Variants in RPS21 observed in about 807,000 individuals in gnomAD.
The protein encoded by RPS21 is small ribosomal subunit protein eS21.
Under a neutral mutation model 14.5 loss-of-function variants are expected in RPS21, and 6 were observed. That is an observed-to-expected ratio of 0.41 (90% CI 0.23 to 0.82). The LOEUF is 0.82. Ranked by LOEUF, RPS21 falls within the 40% of genes least tolerant of loss-of-function variation. The pLI is 0.31. For synonymous variants in RPS21, 61 were observed against 42.6 expected (o/e 1.43, Z -1.69); for missense variants, 85 against 115.0 (o/e 0.74, Z 1.19).
chr20:62,387,758 G>C, intron 3 of RPS21, 84 bp downstream of exon 3: 1 of 1,614,054 alleles, frequency 6.2e-7, no homozygotes, highest in Non-Finnish European at 8.5e-7. Flanking sequence ...AGCCCCTGGG[G>C]TGAAGGTACA....
rs753943394 is a variant in RPS21, at chr20:62,387,851, G to A, written c.123G>A (p.Lys41=). ...SIQMNVAEVD[K]VTGRFNGQFK... ...CCTTCTTCTCTTTCTAGGTTGACAA[G>A]GTCACAGGCAGGTTTAATGGCCAGT... is the stretch of plus-strand genomic sequence containing the variant. The change falls in exon 4 of 6, where the codon AAG becomes AAA. Residue 41 remains lysine (K), a synonymous_variant. Coordinates refer to ENST00000343986, the MANE Select transcript of RPS21 (RefSeq NM_001024.4). 2.5e-6 allele frequency: 4 copies of A among 1,614,172 alleles called. No individual in the cohort carries two copies. Among genetic ancestry groups the A allele is most frequent in the Middle Eastern group, 1.6e-4 (1 of 6,062 alleles).
chr20:62,387,753 C>A (rs774298600), intron 3 of RPS21, 79 bp downstream of exon 3: 2 of 1,613,910 alleles, frequency 1.2e-6, no homozygotes, highest in East Asian at 2.2e-5. Flanking sequence ...GGAGGAGCCC[C>A]TGGGGTGAAG....
In RPS21 at chr20:62,387,662, G is replaced by A. The variant is rs919570685; in HGVS notation, c.102G>A (p.Met34Ile). The change falls in exon 3 of 6, where the codon ATG becomes ATA. Residue 34 changes from methionine to isoleucine, a missense_variant. Met to Ile is a conservative substitution (Grantham distance 10). Transcript: ENST00000343986. ...IGAKDHASIQ[M>I]NVAEVDKVTG... ...CCAAGGACCACGCATCCATCCAGAT[G>A]AACGTGGCCGAGGTGAGCTGGGAGC... 2.5e-6 allele frequency: 4 copies of A among 1,613,980 alleles called. No homozygotes were observed. In the East Asian group the frequency reaches 6.7e-5, roughly 27 times the overall value.
chr20:62,387,557 T>A, intron 2 of RPS21, 54 bp from the exon 3 acceptor site: 1 of 1,592,910 alleles, frequency 6.3e-7, no homozygotes, highest in East Asian at 2.2e-5. Flanking sequence ...CCTCGTCCCC[T>A]CTTTCATTCT....
chr20:62,387,560 T>A (rs1277719406), intron 2 of RPS21, 51 bp from the exon 3 acceptor site: 1 of 1,595,412 alleles, frequency 6.3e-7, no homozygotes. Flanking sequence ...CGTCCCCTCT[T>A]TCATTCTTAC....
At chr20:62,387,752 C>T in intron 3 of RPS21, 78 bp downstream of exon 3, 1 of 1,613,954 alleles carries the variant, frequency 6.2e-7, no homozygotes, top group Non-Finnish European at 8.5e-7. Context: ...TGGAGGAGCC[C>T]CTGGGGTGAA....
At chr20:62,388,168 C>T (rs1480220873) in intron 4 of RPS21, 141 bp from the exon 5 acceptor site, 41 of 1,466,412 alleles carry the variant, frequency 2.8e-5, no homozygotes, top group Middle Eastern at 2.0e-4. Context: ...CAGGCTGCCC[C>T]GGGAGAGGTG....
In RPS21 at chr20:62,387,697, G is replaced by A. The variant is rs373391350; in HGVS notation, c.114+23G>A. On this transcript the variant is annotated intron_variant, in intron 3 of 5. Transcript: ENST00000343986. ...GAGGTGAGCTGGGAGCCCGGGAGGC[G>A]GGAAGGTTGTGATATATGTGCGGGA... 7 of 1,614,098 alleles carry A rather than the reference G, an allele frequency of 4.3e-6. No individual in the cohort carries two copies. In the Middle Eastern group the frequency reaches 5.0e-4, roughly 114 times the overall value.
chr20:62,387,274 G>C, intron 1 of RPS21, 47 bp from the exon 2 acceptor site: 1 of 1,460,492 alleles, frequency 6.8e-7, no homozygotes, highest in Non-Finnish European at 9.3e-7. Context: ...CCGGGAGCCG[G>C]GGCACGGTTC....
Position 62,388,294 on chromosome 20 carries a change from T to TGC in RPS21, c.187-15_187-14insGC. On this transcript the variant is annotated splice_polypyrimidine_tract_variant and intron_variant, in intron 4 of 5. Transcript: ENST00000343986. The stretch of plus-strand genomic sequence containing the variant: ...AGTGGAAATATTCTTAGTGTGCTTT[T>TGC]TTTTTTTTCTTAAGGGTGAGTCAGA... 1.9e-6 allele frequency: 3 copies of TGC among 1,583,790 alleles called. No individual in the cohort carries two copies. The highest frequency in any genetic ancestry group is 2.6e-6 in the Non-Finnish European group (3 of 1,172,266).
At position 62,388,345 on chromosome 20, in the gene RPS21, G is replaced by A. The variant is rs528034127; in HGVS notation, c.223G>A (p.Ala75Thr). 8.8e-5 allele frequency: 141 copies of A among 1,603,114 alleles called. 1 individual carries two copies. In the South Asian group the frequency reaches 1.5e-3, roughly 17 times the overall value. ...TGATTCCATTCTCCGATTGGCCAAG[G>A]CCGATGGCATCGTCTCAAAGTAAGG... is the stretch of plus-strand genomic sequence containing the variant. The part of the protein sequence containing the change: ...SDDSILRLAK[A>T]DGIVSKNF Residue 75 changes from alanine (A) to threonine (T), a missense_variant, in exon 5 of 6, where the codon GCC (alanine) becomes ACC (threonine). Coordinates refer to ENST00000343986, the MANE Select transcript of RPS21 (RefSeq NM_001024.4).
rs142388973 is a variant in RPS21, at chr20:62,388,032, G to T, written c.186+118G>T. The stretch of plus-strand genomic sequence containing the variant: ...CTGGCAGAGTAGTTTGAGCCAGCTG[G>T]ACTGGGCTGGCCGCCTGCCGCTTCT... On this transcript the variant is annotated intron_variant, in intron 4 of 5. Transcript: ENST00000343986. 2.4e-3 allele frequency: 3,727 copies of T among 1,585,756 alleles called. 8 individuals are homozygous for T. The highest frequency in any genetic ancestry group is 2.8e-3 in the Non-Finnish European group (3,267 of 1,166,556).
At chr20:62,387,270 G>A in intron 1 of RPS21, 51 bp from the exon 2 acceptor site, 1 of 1,437,420 alleles carries the variant, frequency 7.0e-7, no homozygotes. Context: ...TGCGCCGGGA[G>A]CCGGGGCACG....
rs1259782594 is a variant in RPS21 at position 62,387,653 on chromosome 20, C to T, written c.93C>T (p.Ser31=). 3 of 1,613,974 alleles carry T rather than the reference C, an allele frequency of 1.9e-6. No homozygotes were observed. The highest frequency in any genetic ancestry group is 1.7e-6 in the Non-Finnish European group (2 of 1,180,032). ...TCATCGGTGCCAAGGACCACGCATC[C>T]ATCCAGATGAACGTGGCCGAGGTGA... ...NRIIGAKDHA[S]IQMNVAEVDK... Residue 31 remains serine (S), a synonymous_variant, in exon 3 of 6, where the codon TCC becomes TCT. Coordinates refer to ENST00000343986, the MANE Select transcript of RPS21 (RefSeq NM_001024.4).
intron 2 of RPS21, 53 bp downstream of exon 2, chr20:62,387,441 C>G: frequency 6.2e-7 from 1 of 1,602,954 alleles, no homozygotes; most frequent in Non-Finnish European, 8.5e-7. Flanking sequence ...ACCACGTCCC[C>G]TCGCCTGCCC....
In RPS21 at chr20:62,387,651, T is replaced by A; in HGVS notation, c.91T>A (p.Ser31Thr). The change falls in exon 3 of 6, where the codon TCC becomes ACC. Residue 31 changes from serine to threonine, a missense_variant. Coordinates refer to ENST00000343986, the MANE Select transcript of RPS21 (RefSeq NM_001024.4). The stretch of plus-strand genomic sequence containing the variant: ...CATCATCGGTGCCAAGGACCACGCA[T>A]CCATCCAGATGAACGTGGCCGAGGT... ...NRIIGAKDHA[S>T]IQMNVAEVDK... 1 of 1,614,022 alleles carries A rather than the reference T, an allele frequency of 6.2e-7. No homozygotes were observed. Among genetic ancestry groups the A allele is most frequent in the Non-Finnish European group, 8.5e-7 (1 of 1,180,010 alleles).
Position 62,387,355 on chromosome 20 carries a change from G to T in RPS21, c.17G>T (p.Gly6Val). The T allele has an allele frequency of 6.2e-7, 1 of 1,606,040 alleles. No homozygotes were observed. Among genetic ancestry groups the T allele is most frequent in the Non-Finnish European group, 8.5e-7 (1 of 1,176,738 alleles). ...AGCCTCGAAATGCAGAACGACGCCG[G>T]CGAGTTCGTGGACCTGTACGTGCCG... MQNDA[G>V]EFVDLYVPRK... is the part of the protein sequence containing the mutation. Residue 6 changes from glycine (G) to valine (V), a missense_variant, in exon 2 of 6, where the codon GGC becomes GTC. Gly to Val is a moderately radical substitution (Grantham distance 109). Coordinates refer to ENST00000343986, the MANE Select transcript of RPS21 (RefSeq NM_001024.4).
Position 62,387,400 on chromosome 20 carries a change from C to A in RPS21, c.50+12C>A. On this transcript the variant is annotated intron_variant, in intron 2 of 5. Transcript: ENST00000343986. The stretch of plus-strand genomic sequence containing the variant: ...GTGCCGCGGAAATGGTAAGCGCCCC[C>A]CACATGCCTCTCTTCCGTCCTTACC... 6.2e-7 allele frequency: 1 copy of A among 1,608,054 alleles called. No homozygotes were observed. Among genetic ancestry groups the A allele is most frequent in the Non-Finnish European group, 8.5e-7 (1 of 1,177,344 alleles).
At position 62,387,998 on chromosome 20, in the gene RPS21, G is replaced by A. The variant is rs748832869; in HGVS notation, c.186+84G>A. The A allele has an allele frequency of 4.3e-6, 7 of 1,613,140 alleles. No homozygotes were observed. The Admixed American group carries it at 5.0e-5, about 12-fold the overall frequency. ...CATTGGAGTGTGTGATGGTGCCTGA[G>A]TAGATCTGCTGGCAGAGTAGTTTGA... is the stretch of plus-strand genomic sequence containing the variant. On this transcript the variant is annotated intron_variant, in intron 4 of 5. Transcript: ENST00000343986.
Sources: gnomAD v4.1 joint callset for allele counts on GRCh38, gnomAD v4.1.1 for gene constraint, MANE v1.5 for transcripts, NCBI Gene and HGNC (gene_info 2026-07-23, HGNC 2026-07-21) for gene names.